The following FADS3 variants were observed in gnomAD, a reference collection of about 807,000 sequenced individuals.
FADS3 encodes the protein fatty acid desaturase 3.
A neutral mutation model predicts 60.4 loss-of-function variants in FADS3; 30 were observed. The ratio of observed to expected loss-of-function variants is 0.50; its 90% CI spans 0.37 to 0.67. The LOEUF is 0.67. Among genes scored for constraint, FADS3 ranks in the 30% least tolerant of loss-of-function variants. FADS3 has a pLI of 0.00. For synonymous variants in FADS3, 234 were observed against 249.3 expected, an observed-to-expected ratio of 0.94 and a Z score of 0.58; for missense variants, 432 against 598.3, an observed-to-expected ratio of 0.72 and a Z score of 2.90.
intron 1 of FADS3, among the ~76,000 whole-genome samples, chr11:61,887,845 G>A (rs901152019): frequency 2.0e-5 from 3 of 152,248 alleles, no homozygotes; most frequent in Admixed American, 2.0e-4. Context: ...GAACATGGCT[G>A]TGGATTCAAA....
Position 61,891,458 on chromosome 11 carries a change from C to A in FADS3, c.-77G>T. ...GACCCCGAGGGAAGCGAAGAGCGCT[C>A]CCGGGCGCCGCCTCCGCCGCCGCCC... On this transcript the variant is annotated 5_prime_UTR_variant, in exon 1 of 12. Coordinates refer to ENST00000278829, the MANE Select transcript of FADS3 (RefSeq NM_021727.5). 9.1e-7 allele frequency: 1 copy of A among 1,103,614 alleles called. No individual in the cohort carries two copies. Among genetic ancestry groups the A allele is most frequent in the Non-Finnish European group, 1.2e-6 (1 of 862,462 alleles). 68.4% of individuals were successfully genotyped at this position (1,103,614 alleles called of 1,614,324 possible).
In FADS3 at chr11:61,876,955, G is replaced by C; in HGVS notation, c.894C>G (p.Leu298=). 3.1e-6 allele frequency: 5 copies of C among 1,601,378 alleles called. No individual in the cohort carries two copies. The highest frequency in any genetic ancestry group is 1.1e-5 in the South Asian group (1 of 88,536). Residue 298 remains leucine, a synonymous_variant, in exon 8 of 12, where the codon CTC becomes CTG. Transcript: ENST00000278829. This position sits in a 1 kb window ranked among gnomAD's most constrained non-coding sequence, Gnocchi z 5.7. ...AGCGGGCATAGAAGCTGGCGGCCCA[G>C]AGCAAATCCTGCAGAGGAGGGCAGA... The part of the protein sequence containing the change: ...MLVCMQWADL[L]WAASFYARFF...
In FADS3 at chr11:61,876,889, C is replaced by G; in HGVS notation, c.960G>C (p.Val320=). The G allele has an allele frequency of 6.2e-7, 1 of 1,610,736 alleles. No homozygotes were observed. The highest frequency in any genetic ancestry group is 8.5e-7 in the Non-Finnish European group (1 of 1,179,064). ...ACCTGACAGCAACAAAGAAGAGCAGCACCCCAGGGACGCCGTAGAAGGGGA... is the reference window on the plus strand; with the variant it reads ...ACCTGACAGCAACAAAGAAGAGCAGGACCCCAGGGACGCCGTAGAAGGGGA... The part of the protein sequence containing the change: ...SYLPFYGVPG[V]LLFFVAVRVL... The change falls in exon 8 of 12, where the codon GTG becomes GTC. Residue 320 remains valine, a synonymous_variant. Transcript: ENST00000278829. This position sits in a 1 kb window ranked among gnomAD's most constrained non-coding sequence, Gnocchi z 5.7.
intron 4 of FADS3, 40 bp downstream of exon 4, chr11:61,878,706 C>G (rs747586335): frequency 3.1e-6 from 5 of 1,611,022 alleles, no homozygotes; most frequent in Non-Finnish European, 4.2e-6. Context: ...GCAGACCCAG[C>G]GCCACCCAGC....
rs1474802046 is a variant in FADS3, at chr11:61,878,807, G to A, written c.563C>T (p.Ser188Phe). 34 of 1,614,070 alleles carry A rather than the reference G, an allele frequency of 2.1e-5. No individual in the cohort carries two copies. Among genetic ancestry groups the A allele is most frequent in the Non-Finnish European group, 2.8e-5 (33 of 1,180,042 alleles). Residue 188 changes from serine to phenylalanine, a missense_variant, in exon 4 of 12, where the codon TCC (serine) becomes TTC (phenylalanine). Ser to Phe is a radical substitution (Grantham distance 155). Around this residue, in one of 5 missense-constraint regions of FADS3, gnomAD observed 116 missense variants for 208.9 expected, o/e 0.56. Transcript: ENST00000278829. ...WCLQHDLGHA[S>F]IFKKSWWNHV... Reference sequence around the variant, plus strand: ...GTTCCACCAGGACTTCTTGAAGATGGAGGCATGGCCCAGGTCATGCTGCAG... The same window carrying A: ...GTTCCACCAGGACTTCTTGAAGATGAAGGCATGGCCCAGGTCATGCTGCAG...
Position 61,876,886 on chromosome 11 carries a change from C to G in FADS3, c.963G>C (p.Leu321=). 2 of 1,610,502 alleles carry G rather than the reference C, an allele frequency of 1.2e-6. No individual in the cohort carries two copies. Among genetic ancestry groups the G allele is most frequent in the Non-Finnish European group, 1.7e-6 (2 of 1,178,956 alleles). ...CATACCTGACAGCAACAAAGAAGAG[C>G]AGCACCCCAGGGACGCCGTAGAAGG... is the stretch of plus-strand genomic sequence containing the variant. The part of the protein sequence containing the change: ...YLPFYGVPGV[L]LFFVAVRVLE... Residue 321 remains leucine (L), a synonymous_variant, in exon 8 of 12, where the codon CTG becomes CTC. Transcript: ENST00000278829. The surrounding 1 kb of genome is among the most constrained non-coding windows in gnomAD (Gnocchi z 5.7).
At chr11:61,880,574 A>G (rs2135995359) in intron 1 of FADS3, 1 of 156,958 alleles carries the variant, frequency 6.4e-6, no homozygotes, top group East Asian at 1.9e-4. Context: ...CCCCGTTTTT[A>G]TAAACATAAG....
intron 11 of FADS3, 112 bp downstream of exon 11, chr11:61,875,739 T>G (rs1430814644): frequency 1.5e-6 from 2 of 1,336,590 alleles, no homozygotes; most frequent in African/African-American, 2.9e-5. Flanking sequence ...GCATGGGACG[T>G]GGACAGAAAG....
At chr11:61,885,969 A>G (rs1938299448) in intron 1 of FADS3, among the ~76,000 whole-genome samples, 1 of 152,140 alleles carries the variant, frequency 6.6e-6, no homozygotes, top group Non-Finnish European at 1.5e-5. Context: ...CACTATCAGT[A>G]TCCCATTTTA....
chr11:61,875,990 G>A lies in FADS3; in HGVS notation c.1161-14C>T. The A allele has an allele frequency of 1.9e-6, 3 of 1,613,454 alleles. No homozygotes were observed. The highest frequency in any genetic ancestry group is 1.7e-6 in the Non-Finnish European group (2 of 1,180,008). On this transcript the variant is annotated splice_polypyrimidine_tract_variant and intron_variant, in intron 10 of 11. Transcript: ENST00000278829. ...CTGGGGAAGAGGCTGGGGGTGGGGAGCGTATGCTGGCACCTGAAGTGGGAG... is the reference window on the plus strand; with the variant it reads ...CTGGGGAAGAGGCTGGGGGTGGGGAACGTATGCTGGCACCTGAAGTGGGAG...
rs1024631186 is a variant in FADS3 at position 61,877,672 on chromosome 11, C to T, written c.809-85G>A. Reference sequence around the variant, plus strand: ...GCCAGAGTGAGGGGCTCTGTTACTCCAGGAATGCCCCTGGGACGTTGGTGC... The same window carrying T: ...GCCAGAGTGAGGGGCTCTGTTACTCTAGGAATGCCCCTGGGACGTTGGTGC... On this transcript the variant is annotated intron_variant, in intron 6 of 11. Coordinates refer to ENST00000278829, the MANE Select transcript of FADS3 (RefSeq NM_021727.5). The surrounding 1 kb of genome is among the most constrained non-coding windows in gnomAD (Gnocchi z 4.7). 1 of 1,240,778 alleles carries T rather than the reference C, an allele frequency of 8.1e-7. No individual in the cohort carries two copies. The highest frequency in any genetic ancestry group is 1.5e-5 in the African/African-American group (1 of 67,408). 76.9% of individuals were successfully genotyped at this position (1,240,778 alleles called of 1,614,324 possible). A position where few individuals can be genotyped will look rare whatever the true frequency, so the allele number is the denominator to read the frequency against.
At chr11:61,873,941 T>C in intron 11 of FADS3, 76 bp from the exon 12 acceptor site, 1 of 962,902 alleles carries the variant, frequency 1.0e-6, no homozygotes, top group Non-Finnish European at 1.6e-6. Context: ...GTATCCCCCA[T>C]GGTAAGTGTG....
chr11:61,883,184 T>G (rs1938195769), intron 1 of FADS3, among the ~76,000 whole-genome samples: 1 of 152,212 alleles, frequency 6.6e-6, no homozygotes, highest in African/African-American at 2.4e-5. Context: ...ACTGAAACTC[T>G]GTCCCCATTA....
chr11:61,887,753 G>A (rs1321531495), intron 1 of FADS3, among the ~76,000 whole-genome samples: 1 of 152,252 alleles, frequency 6.6e-6, no homozygotes, highest in African/African-American at 2.4e-5. Context: ...GATGCTCACT[G>A]ATGGATTTAA....
At chr11:61,883,163 C>T (rs1938194768) in intron 1 of FADS3, among the ~76,000 whole-genome samples, 1 of 152,196 alleles carries the variant, frequency 6.6e-6, no homozygotes, top group Non-Finnish European at 1.5e-5. Flanking sequence ...AGAACCTTTT[C>T]ACCTTCCCCA....
At chr11:61,875,590 ATC>A (rs1312224750) in intron 11 of FADS3, among the ~76,000 whole-genome samples, 8 of 151,956 alleles carry the variant, frequency 5.3e-5, no homozygotes, top group African/African-American at 1.9e-4. Flanking sequence ...GAGAAACTGG[ATC>A]TGTTAGCTTC....
At position 61,879,516 on chromosome 11, in the gene FADS3, T is replaced by G. The variant is rs754864137; in HGVS notation, c.325-7A>C. On this transcript the variant is annotated splice_region_variant and splice_polypyrimidine_tract_variant and intron_variant, in intron 2 of 11. Transcript: ENST00000278829. ...AGTCCTCGACCAGCTGCGCCTGCCA[T>G]AGCAGAGGGGCCGATCAGCCAAGGA... is the stretch of plus-strand genomic sequence containing the variant. 1.9e-6 allele frequency: 3 copies of G among 1,588,946 alleles called. No homozygotes were observed. Among genetic ancestry groups the G allele is most frequent in the Non-Finnish European group, 2.6e-6 (3 of 1,169,476 alleles).
At chr11:61,890,945 A>G (rs1352919708) in intron 1 of FADS3, among the ~76,000 whole-genome samples, 1 of 152,130 alleles carries the variant, frequency 6.6e-6, no homozygotes, top group Non-Finnish European at 1.5e-5. Context: ...TCCCCCGCAG[A>G]CCTGCTCCGT....
At chr11:61,891,583 C>T (rs1204685145), upstream of FADS3, 16 of 226,262 alleles carry the variant, frequency 7.1e-5, no homozygotes, top group East Asian at 1.8e-3. Context: ...ACCGCGCGGA[C>T]GGCGCCCGCC....
Sources: allele counts gnomAD v4.1 joint callset (sites outside exome capture counted in the v4.1 genomes callset), GRCh38; gene constraint gnomAD v4.1.1; regional missense constraint gnomAD v4.1.1; non-coding constraint Gnocchi (gnomAD v3.1); transcripts MANE v1.5; gene names NCBI Gene and HGNC (gene_info 2026-07-23, HGNC 2026-07-21).